The following ANKS1B variants were observed in gnomAD, a reference collection of about 807,000 sequenced individuals.
ANKS1B encodes ankyrin repeat and sterile alpha motif domain-containing protein 1B.
In ANKS1B, 36 loss-of-function variants were observed where a neutral mutation model predicts 148.3. The ratio of observed to expected loss-of-function variants is 0.24; its 90% CI spans 0.19 to 0.32. The LOEUF (loss-of-function observed/expected upper bound fraction) is 0.32. Among genes scored for constraint, ANKS1B ranks in the 10% least tolerant of loss-of-function variants. The probability of loss-of-function intolerance (pLI) is 1.00; values close to 1 mark genes in which losing one functional copy is unlikely to be tolerated. For synonymous variants in ANKS1B, 542 were observed against 560.8 expected (o/e 0.97, Z 0.47); for missense variants, 1,157 against 1,542.6 (o/e 0.75, Z 4.19).
At position 98,809,749 on chromosome 12, in the gene ANKS1B, G is replaced by T. The variant is rs531673247; in HGVS notation, c.3067-1831C>A. Among the ~76,000 whole-genome samples, 5 of 152,202 alleles carry T rather than the reference G, an allele frequency of 3.3e-5. No individual in the cohort carries two copies. In the South Asian group the frequency reaches 1.0e-3, roughly 32 times the overall value. ...TCGTAAGCCCCCTCACCGACTGAACGGACCCCCTTGTGGCCAAGGGGACCC... is the reference window on the plus strand; with the variant it reads ...TCGTAAGCCCCCTCACCGACTGAACTGACCCCCTTGTGGCCAAGGGGACCC... On this transcript the variant is annotated intron_variant, in intron 19 of 26. Transcript: ENST00000683438.
At chr12:99,715,477 CT>C (rs542594977) in intron 8 of ANKS1B, among the ~76,000 whole-genome samples, 117 of 152,318 alleles carry the variant, frequency 7.7e-4, no homozygotes, top group African/African-American at 2.5e-3. Context: ...GGCCCCACCC[CT>C]ATCTCCCTTC....
In ANKS1B at chr12:99,857,417, T is replaced by C. The variant is rs1027063133; in HGVS notation, c.135-32028A>G. Among the ~76,000 whole-genome samples, 4 of 152,308 alleles carry C rather than the reference T, an allele frequency of 2.6e-5. No individual in the cohort carries two copies. The South Asian group carries it at 8.3e-4, about 32-fold the overall frequency. ...CACAAACAAATGGAAACATATCCCA[T>C]GGTCATGGATGGGTAGAATCAATAT... On this transcript the variant is annotated intron_variant, in intron 1 of 26. Coordinates refer to ENST00000683438, the MANE Select transcript of ANKS1B (RefSeq NM_001352186.2).
rs560642358 is a variant in ANKS1B, at chr12:99,709,340, T to C, written c.1129-54130A>G. On this transcript the variant is annotated intron_variant, in intron 8 of 26. Coordinates refer to ENST00000683438, the MANE Select transcript of ANKS1B (RefSeq NM_001352186.2). ...ATCAGGCAATTTTAATTCAAAAGAC[T>C]CTGAGCAGATTTTGAAGCAGTTGCT... Among the ~76,000 whole-genome samples, 4 of 152,258 alleles carry C rather than the reference T, an allele frequency of 2.6e-5. No homozygotes were observed. In the South Asian group the frequency reaches 8.3e-4, roughly 32 times the overall value.
intron 9 of ANKS1B, among the ~76,000 whole-genome samples, chr12:99,583,423 A>T (rs1169419489): frequency 3.3e-5 from 5 of 152,198 alleles, no homozygotes; most frequent in Non-Finnish European, 5.9e-5. Flanking sequence ...TGTGCTAGGT[A>T]CTGTGCATAA....
intron 14 of ANKS1B, among the ~76,000 whole-genome samples, chr12:99,216,087 G>C (rs556553728): frequency 2.6e-5 from 4 of 152,170 alleles, no homozygotes; most frequent in African/African-American, 9.7e-5. Context: ...AGTCTCACGA[G>C]ATCTGATGGT....
intron 12 of ANKS1B, among the ~76,000 whole-genome samples, chr12:99,266,026 G>A (rs2076408659): frequency 6.6e-6 from 1 of 152,092 alleles, no homozygotes; most frequent in Non-Finnish European, 1.5e-5. Context: ...TTTTATATCT[G>A]TTGGTCATTT....
At chr12:99,038,215 G>A (rs186494181) in intron 17 of ANKS1B, among the ~76,000 whole-genome samples, 2 of 152,144 alleles carry the variant, frequency 1.3e-5, no homozygotes, top group Admixed American at 1.3e-4. Context: ...ATGTGTGCTA[G>A]GTAGTTCAAT....
At chr12:99,433,639 A>C (rs2095414262) in intron 11 of ANKS1B, among the ~76,000 whole-genome samples, 1 of 152,154 alleles carries the variant, frequency 6.6e-6, no homozygotes. Context: ...GTGCTATATA[A>C]GTTAAGTTTA....
chr12:99,094,167 G>C (rs1052755305), intron 15 of ANKS1B, among the ~76,000 whole-genome samples: 1 of 152,202 alleles, frequency 6.6e-6, no homozygotes, highest in African/African-American at 2.4e-5. Context: ...GATACAATGA[G>C]ATCAGGACAG....
At chr12:99,197,367 C>G (rs1194762058) in intron 14 of ANKS1B, among the ~76,000 whole-genome samples, 1 of 152,116 alleles carries the variant, frequency 6.6e-6, no homozygotes, top group Non-Finnish European at 1.5e-5. Context: ...CCATTCCCTC[C>G]CAAGAACTCC....
At chr12:99,643,871 C>A (rs1194379512) in intron 9 of ANKS1B, among the ~76,000 whole-genome samples, 1 of 152,164 alleles carries the variant, frequency 6.6e-6, no homozygotes, top group Non-Finnish European at 1.5e-5. Flanking sequence ...AGTTTTTGAT[C>A]CTCCTGAGGC....
chr12:99,114,614 T>C (rs2060951576), intron 15 of ANKS1B, among the ~76,000 whole-genome samples: 1 of 151,988 alleles, frequency 6.6e-6, no homozygotes, highest in Non-Finnish European at 1.5e-5. Flanking sequence ...TAGCTGGGCG[T>C]GGTGGCATGG....
chr12:99,078,090 T>C (rs1452522709), intron 16 of ANKS1B, among the ~76,000 whole-genome samples: 1 of 152,232 alleles, frequency 6.6e-6, no homozygotes, highest in African/African-American at 2.4e-5. Flanking sequence ...TATTGTCTTT[T>C]CTTTAAAAGT....
chr12:99,459,681 G>A (rs1252975405), intron 10 of ANKS1B, among the ~76,000 whole-genome samples: 1 of 151,196 alleles, frequency 6.6e-6, no homozygotes. Context: ...AAAAAAATTA[G>A]GAATATACTC....
intron 12 of ANKS1B, among the ~76,000 whole-genome samples, chr12:99,263,409 G>A (rs976721510): frequency 3.3e-5 from 5 of 152,038 alleles, no homozygotes; most frequent in Admixed American, 2.0e-4. Context: ...CAACAATATT[G>A]AGAACAATTA....
chr12:98,860,177 AT>A (rs1258005934), intron 17 of ANKS1B, among the ~76,000 whole-genome samples: 2 of 152,260 alleles, frequency 1.3e-5, no homozygotes, highest in African/African-American at 4.8e-5. Context: ...AGACCTGAAT[AT>A]CCTGATACAC....
At chr12:98,864,306 T>A (rs775309269) in intron 17 of ANKS1B, among the ~76,000 whole-genome samples, 1 of 152,216 alleles carries the variant, frequency 6.6e-6, no homozygotes, top group Non-Finnish European at 1.5e-5. Flanking sequence ...TCAAGTCTTC[T>A]CCTCTAGCTA....
chr12:99,386,714 T>C (rs920335401), intron 12 of ANKS1B, among the ~76,000 whole-genome samples: 2 of 152,198 alleles, frequency 1.3e-5, no homozygotes, highest in African/African-American at 4.8e-5. Flanking sequence ...AAAATGAATA[T>C]CTTCCTCATG....
chr12:99,036,803 A>G (rs547543862), intron 17 of ANKS1B, among the ~76,000 whole-genome samples: 4 of 152,356 alleles, frequency 2.6e-5, no homozygotes, highest in African/African-American at 9.6e-5. Flanking sequence ...ACTGCAATAT[A>G]TGAAAAAGAT....
Sources: gnomAD v4.1 joint callset for allele counts (sites outside exome capture counted in the v4.1 genomes callset) on GRCh38, gnomAD v4.1.1 for gene constraint, MANE v1.5 for transcripts, NCBI Gene and HGNC (gene_info 2026-07-23, HGNC 2026-07-21) for gene names.